SLC7A2: variants seen among roughly 807,000 people sequenced by gnomAD.
SLC7A2 encodes cationic amino acid transporter 2.
A neutral mutation model predicts 58.9 loss-of-function variants in SLC7A2; 48 were observed. The ratio of observed to expected loss-of-function variants is 0.82; its 90% CI spans 0.65 to 1.04. The LOEUF is 1.04. Among genes scored for constraint, SLC7A2 ranks in the 50% least tolerant of loss-of-function variants. The probability of loss-of-function intolerance (pLI) is 0.00; values close to 1 mark genes in which losing one functional copy is unlikely to be tolerated. For missense variants in SLC7A2, 1,029 were observed against 818.8 expected, an observed-to-expected ratio of 1.26 and a Z score of -3.13; for synonymous variants, 363 against 314.5, an observed-to-expected ratio of 1.15 and a Z score of -1.63.
At chr8:17,561,262 T>A (rs891214716) in intron 10 of SLC7A2, among the ~76,000 whole-genome samples, 1 of 152,044 alleles carries the variant, frequency 6.6e-6, no homozygotes, top group East Asian at 1.9e-4. Context: ...AAGAAAAAGG[T>A]TTAATGGGCT....
At chr8:17,541,021 C>T (rs775787306) in intron 2 of SLC7A2, among the ~76,000 whole-genome samples, 5 of 152,016 alleles carry the variant, frequency 3.3e-5, no homozygotes, top group Admixed American at 6.6e-5. Context: ...GTTGTGTTCC[C>T]GGAGTTGTAT....
At position 17,554,604 on chromosome 8, in the gene SLC7A2, T is replaced by C. The variant is rs1215575359; in HGVS notation, c.1100T>C (p.Met367Thr). ...IFPMPRVIYA[M>T]AEDGLLFKCL... ...CCAATGCCTCGTGTAATCTATGCTA[T>C]GGCGGAGGATGGGTTGCTTTTCAAA... Residue 367 changes from methionine (M) to threonine (T), a missense_variant, in exon 8 of 13, where the codon ATG (methionine) becomes ACG (threonine). By Grantham distance (81) the Met-to-Thr change is moderately conservative. Coordinates refer to ENST00000494857, the MANE Select transcript of SLC7A2 (RefSeq NM_001370338.1). 9 of 1,613,308 alleles carry C rather than the reference T, an allele frequency of 5.6e-6. No individual in the cohort carries two copies. The highest frequency in any genetic ancestry group is 7.6e-6 in the Non-Finnish European group (9 of 1,179,870).
At chr8:17,506,594 C>G (rs1425862433) in intron 2 of SLC7A2, among the ~76,000 whole-genome samples, 1 of 152,198 alleles carries the variant, frequency 6.6e-6, no homozygotes, top group Non-Finnish European at 1.5e-5. Context: ...TTTTAGAACG[C>G]TCTTTTTATA....
intron 2 of SLC7A2, among the ~76,000 whole-genome samples, chr8:17,530,675 C>T (rs914613910): frequency 2.0e-5 from 3 of 151,502 alleles, no homozygotes; most frequent in Non-Finnish European, 2.9e-5. Context: ...TAGGTTCAAG[C>T]GTTTCTCCTG....
intron 2 of SLC7A2, among the ~76,000 whole-genome samples, chr8:17,535,967 T>C (rs1801646640): frequency 6.6e-6 from 1 of 152,160 alleles, no homozygotes; most frequent in Admixed American, 6.5e-5. Flanking sequence ...GTCTTAAGTG[T>C]TGTAGAGACT....
chr8:17,509,891 A>T (rs1800530729), intron 2 of SLC7A2, among the ~76,000 whole-genome samples: 1 of 152,042 alleles, frequency 6.6e-6, no homozygotes, highest in South Asian at 2.1e-4. Context: ...GCAGAACTGT[A>T]TCTACCTATT....
intron 2 of SLC7A2, among the ~76,000 whole-genome samples, chr8:17,525,602 G>A (rs1313521943): frequency 6.6e-6 from 1 of 152,144 alleles, no homozygotes; most frequent in African/African-American, 2.4e-5. Flanking sequence ...GTTTGCTAGG[G>A]TTTTAATTTG....
At chr8:17,551,275 T>C (rs1802437734) in intron 6 of SLC7A2, among the ~76,000 whole-genome samples, 1 of 152,160 alleles carries the variant, frequency 6.6e-6, no homozygotes, top group South Asian at 2.1e-4. Context: ...AATAAGAAAG[T>C]ACCTTCAAGA....
intron 2 of SLC7A2, chr8:17,511,210 C>G (rs934647512): frequency 1.3e-5 from 2 of 152,040 alleles, no homozygotes; most frequent in African/African-American, 4.8e-5. Flanking sequence ...CACACGTATA[C>G]CTACGTAGCA....
chr8:17,512,279 G>A (rs1437763113), intron 2 of SLC7A2, among the ~76,000 whole-genome samples: 2 of 152,092 alleles, frequency 1.3e-5, no homozygotes, highest in East Asian at 1.9e-4. Context: ...GCCAGGCACA[G>A]CTCACCCCTG....
At position 17,565,257 on chromosome 8, in the gene SLC7A2, A is replaced by T; in HGVS notation, c.*111A>T. ...GTTGTCATGGGTTTGCTGCATACAT[A>T]GTTCACCCTAATTTATACTTACTCA... On this transcript the variant is annotated 3_prime_UTR_variant, in exon 13 of 13. Coordinates refer to ENST00000494857, the MANE Select transcript of SLC7A2 (RefSeq NM_001370338.1). The T allele has an allele frequency of 1.3e-6, 1 of 789,874 alleles. No individual in the cohort carries two copies. Among genetic ancestry groups the T allele is most frequent in the Non-Finnish European group, 2.0e-6 (1 of 498,980 alleles). The allele number at this position is 789,874 out of a possible 1,614,324, so 48.9% of individuals were successfully genotyped here. A position where few individuals can be genotyped will look rare whatever the true frequency, so the allele number is the denominator to read the frequency against.
intron 2 of SLC7A2, among the ~76,000 whole-genome samples, chr8:17,508,792 A>G (rs544777014): frequency 2.0e-5 from 3 of 152,324 alleles, no homozygotes; most frequent in East Asian, 1.9e-4. Flanking sequence ...AGCCTGATTT[A>G]TCTCACCGAA....
intron 2 of SLC7A2, among the ~76,000 whole-genome samples, chr8:17,529,920 A>G (rs1302017844): frequency 6.6e-6 from 1 of 152,070 alleles, no homozygotes; most frequent in Non-Finnish European, 1.5e-5. Flanking sequence ...GTGGGTGCAG[A>G]AGTAATTGCT....
At chr8:17,549,541 A>G (rs1802346488) in intron 5 of SLC7A2, among the ~76,000 whole-genome samples, 1 of 152,196 alleles carries the variant, frequency 6.6e-6, no homozygotes, top group Non-Finnish European at 1.5e-5. Flanking sequence ...CTAAATAACA[A>G]TGAGTATTTT....
chr8:17,501,075 G>A (rs970272239), intron 1 of SLC7A2, among the ~76,000 whole-genome samples: 3 of 151,586 alleles, frequency 2.0e-5, no homozygotes, highest in Non-Finnish European at 4.4e-5. Flanking sequence ...GTGCAGTGGT[G>A]CGACCTTGGC....
chr8:17,518,021 G>C (rs1800868655), intron 2 of SLC7A2, among the ~76,000 whole-genome samples: 1 of 152,106 alleles, frequency 6.6e-6, no homozygotes, highest in Non-Finnish European at 1.5e-5. Context: ...TGAGGTGGTT[G>C]TGAGGGTTAA....
chr8:17,527,814 G>A (rs1801279573), intron 2 of SLC7A2, among the ~76,000 whole-genome samples: 1 of 152,158 alleles, frequency 6.6e-6, no homozygotes, highest in Non-Finnish European at 1.5e-5. Flanking sequence ...TCCCAGTAAG[G>A]TCACCAAATA....
intron 1 of SLC7A2, among the ~76,000 whole-genome samples, chr8:17,500,950 CTG>C (rs1314777440): frequency 1.3e-5 from 2 of 151,508 alleles, no homozygotes; most frequent in Non-Finnish European, 2.9e-5. Flanking sequence ...GTAATGGAAA[CTG>C]TTATATATCA....
intron 2 of SLC7A2, among the ~76,000 whole-genome samples, chr8:17,512,533 C>T (rs1443815548): frequency 3.3e-5 from 5 of 151,990 alleles, no homozygotes; most frequent in African/African-American, 9.7e-5. Context: ...GGTGACAGAG[C>T]GAGACTCCAT....
Sources: gnomAD v4.1 joint callset for allele counts (sites outside exome capture counted in the v4.1 genomes callset) on GRCh38, gnomAD v4.1.1 for gene constraint, MANE v1.5 for transcripts, NCBI Gene and HGNC (gene_info 2026-07-23, HGNC 2026-07-21) for gene names.